Variants in THOC2 observed in about 807,000 individuals in gnomAD.
The protein encoded by THOC2 is THO complex subunit 2, also known as THO complex 2.
Under a neutral mutation model 128.4 loss-of-function variants are expected in THOC2, and 10 were observed. The ratio of observed to expected loss-of-function variants is 0.08; its 90% confidence interval spans 0.05 to 0.13. THOC2 has a LOEUF of 0.13. THOC2 is among the 10% of genes least tolerant of loss of function. The pLI is 1.00. For missense variants in THOC2, 535 were observed against 1,155.7 expected (o/e 0.46, Z 7.79); for synonymous variants, 393 against 396.9 (o/e 0.99, Z 0.12).
chrX:123,649,082 G>A, intron 12 of THOC2, among the ~76,000 whole-genome samples: 1 of 112,062 alleles, frequency 8.9e-6, no homozygotes. Context: ...CTGGCATCTG[G>A]CGGGTGCCCC....
intron 8 of THOC2, among the ~76,000 whole-genome samples, chrX:123,684,207 G>C (rs1275757459): frequency 2.7e-5 from 3 of 111,546 alleles, no homozygotes; most frequent in Non-Finnish European, 5.6e-5. Flanking sequence ...ATTATTCACT[G>C]TCATATGCTC....
Position 123,665,730 on chromosome X carries a change from T to C in THOC2, c.1298A>G (p.Asn433Ser), listed in dbSNP as rs752301346. 60 of 1,202,131 alleles carry C rather than the reference T, an allele frequency of 5.0e-5. No homozygotes were observed. Among genetic ancestry groups the C allele is most frequent in the Non-Finnish European group, 6.4e-5 (57 of 890,856 alleles). Residue 433 changes from asparagine to serine, a missense_variant, in exon 12 of 39, where the codon AAT becomes AGT. By Grantham distance (46) the Asn-to-Ser change is conservative (BLOSUM62 1). Around this residue, in one of 9 missense-constraint regions of THOC2, gnomAD observed 197 missense variants for 313.4 expected, o/e 0.63. Coordinates refer to ENST00000245838, the MANE Select transcript of THOC2 (RefSeq NM_001081550.2). ...GTGAGGACCAAGGTAACAGAACATA[T>C]TGAACACGTCTCTCCTCAAATCTTC... ...SFEDLRRDVF[N>S]MFCYLGPHLS...
At chrX:123,683,675 C>T (rs928212069) in intron 8 of THOC2, among the ~76,000 whole-genome samples, 15 of 108,974 alleles carry the variant, frequency 1.4e-4, no homozygotes, top group African/African-American at 4.4e-4. Context: ...CTCGGCTCAC[C>T]GCTACCTCCA....
At chrX:123,611,191 C>A (rs910121455) in intron 37 of THOC2, among the ~76,000 whole-genome samples, 3 of 111,155 alleles carry the variant, frequency 2.7e-5, no homozygotes, top group African/African-American at 9.8e-5. Flanking sequence ...GATAATATAA[C>A]CTGAAAGACT....
intron 12 of THOC2, among the ~76,000 whole-genome samples, chrX:123,656,740 T>A (rs947017103): frequency 9.2e-6 from 1 of 108,740 alleles, no homozygotes; most frequent in Non-Finnish European, 1.9e-5. Context: ...CCGGGCATGG[T>A]GGCTCACGCC....
chrX:123,656,913 G>C (rs1358313782), intron 12 of THOC2, among the ~76,000 whole-genome samples: 2 of 109,687 alleles, frequency 1.8e-5, no homozygotes, highest in Admixed American at 9.8e-5. Flanking sequence ...GAGAGGCTAA[G>C]GCAGGAGAAC....
At chrX:123,623,314 A>T (rs368438775) in intron 28 of THOC2, 31 bp from the exon 29 acceptor site, 248 of 1,121,919 alleles carry the variant, frequency 2.2e-4, no homozygotes, top group Non-Finnish European at 2.7e-4. Flanking sequence ...TTAAATATAC[A>T]AACACAAATC....
At position 123,668,850 on chromosome X, in the gene THOC2, A is replaced by G. The variant is rs922289767; in HGVS notation, c.862-536T>C. Among the ~76,000 whole-genome samples, 3 of 112,121 alleles carry G rather than the reference A, an allele frequency of 2.7e-5. No individual in the cohort carries two copies. The East Asian group carries it at 8.4e-4, about 31-fold the overall frequency. ...TATTTAAGTCACAAGCTAGTTACTA[A>G]TTTATTGCAAAAGAAAAAGTACTAT... On this transcript the variant is annotated intron_variant, in intron 9 of 38. Coordinates refer to ENST00000245838, the MANE Select transcript of THOC2 (RefSeq NM_001081550.2).
chrX:123,680,036 C>A (rs903193411), intron 8 of THOC2, among the ~76,000 whole-genome samples: 4 of 111,942 alleles, frequency 3.6e-5, no homozygotes, highest in Non-Finnish European at 7.5e-5. Flanking sequence ...GAGATATGGC[C>A]TCGTGGGAAG....
chrX:123,649,202 C>T lies in THOC2; in HGVS notation c.1387-3827G>A, dbSNP rs1448025627. On this transcript the variant is annotated intron_variant, in intron 12 of 38. Transcript: ENST00000245838. ...GTCTGGAGTGGACCTCCAGCAAACT[C>T]CAGCAGACCTGCAGCAGAGGGGCCT... 5.3e-5 allele frequency among the ~76,000 whole-genome samples: 6 copies of T among 112,270 alleles called. No individual in the cohort carries two copies. The East Asian group carries it at 1.7e-3, about 32-fold the overall frequency.
chrX:123,657,039 G>A (rs976572531), intron 12 of THOC2, among the ~76,000 whole-genome samples: 2 of 111,191 alleles, frequency 1.8e-5, no homozygotes, highest in Admixed American at 1.9e-4. Flanking sequence ...AATATAAGCA[G>A]AGATATGGAA....
intron 8 of THOC2, among the ~76,000 whole-genome samples, chrX:123,681,303 T>C (rs1035729993): frequency 9.3e-6 from 1 of 107,706 alleles, no homozygotes; most frequent in Non-Finnish European, 1.9e-5. Flanking sequence ...GTAAAGTTGA[T>C]GAGAAACTGG....
At chrX:123,679,584 A>G (rs751900172) in intron 8 of THOC2, among the ~76,000 whole-genome samples, 4 of 111,426 alleles carry the variant, frequency 3.6e-5, no homozygotes, top group Non-Finnish European at 5.6e-5. Flanking sequence ...CCACACTTCT[A>G]TTTCTGGCCT....
At chrX:123,631,542 T>C in intron 22 of THOC2, 146 bp downstream of exon 22, 1 of 588,858 alleles carries the variant, frequency 1.7e-6, no homozygotes, top group Non-Finnish European at 2.7e-6. Flanking sequence ...CCACACAGCT[T>C]CGTACCCCTA....
At chrX:123,719,069 T>C (rs1043118770) in intron 1 of THOC2, among the ~76,000 whole-genome samples, 2 of 108,031 alleles carry the variant, frequency 1.9e-5, no homozygotes, top group Non-Finnish European at 3.8e-5. Context: ...TCCCAGCTAC[T>C]CGGGAGGCTG....
chrX:123,656,177 G>T (rs2048565318), intron 12 of THOC2, among the ~76,000 whole-genome samples: 1 of 107,812 alleles, frequency 9.3e-6, no homozygotes, highest in Non-Finnish European at 1.9e-5. Flanking sequence ...ACAAAAATTA[G>T]CTGGGTGTGG....
At chrX:123,641,575 T>G (rs918198550) in intron 15 of THOC2, among the ~76,000 whole-genome samples, 3 of 111,607 alleles carry the variant, frequency 2.7e-5, no homozygotes, top group African/African-American at 9.8e-5. Flanking sequence ...TTTGTTCAAA[T>G]TTCCAACTTA....
At chrX:123,720,643 T>C (rs1201082321) in intron 1 of THOC2, among the ~76,000 whole-genome samples, 1 of 110,826 alleles carries the variant, frequency 9.0e-6, no homozygotes, top group East Asian at 2.8e-4. Flanking sequence ...TACAATAGCC[T>C]AGAGGTAGAA....
At chrX:123,680,079 C>CGT (rs2049695404) in intron 8 of THOC2, among the ~76,000 whole-genome samples, 1 of 111,404 alleles carries the variant, frequency 9.0e-6, no homozygotes, top group South Asian at 3.9e-4. Flanking sequence ...GTCCGACACC[C>CGT]GTAAAGGGTC....
Sources: gnomAD v4.1 joint callset for allele counts (sites outside exome capture counted in the v4.1 genomes callset) on GRCh38, gnomAD v4.1.1 for gene constraint, gnomAD v4.1.1 regional missense constraint, MANE v1.5 for transcripts, NCBI Gene and HGNC (gene_info 2026-07-23, HGNC 2026-07-21) for gene names.